GALNT13: variants seen among roughly 807,000 people sequenced by gnomAD.
GALNT13 encodes the protein UDP-GalNAc:polypeptide N-acetylgalactosaminyltransferase 13.
A neutral mutation model predicts 64.2 loss-of-function variants in GALNT13; 28 were observed. That is an observed-to-expected ratio of 0.44 (90% CI 0.32 to 0.60). The LOEUF is 0.60. GALNT13 is among the 20% of genes least tolerant of loss of function. The pLI, the probability that GALNT13 is intolerant of heterozygous loss-of-function variation, is 0.05. For synonymous variants in GALNT13, 214 were observed against 224.6 expected, an observed-to-expected ratio of 0.95 and a Z score of 0.42; for missense variants, 577 against 669.8, an observed-to-expected ratio of 0.86 and a Z score of 1.53.
At chr2:153,572,747 G>C in the GALNT13 span, among the ~76,000 whole-genome samples, 1 of 151,994 alleles carries the variant, frequency 6.6e-6, no homozygotes, top group East Asian at 1.9e-4. Context: ...TATTTGTATA[G>C]TTTCCAAAAT....
Position 154,242,187 on chromosome 2 carries a change from A to G in GALNT13, c.469A>G (p.Ser157Gly). 1 of 1,606,938 alleles carries G rather than the reference A, an allele frequency of 6.2e-7. No homozygotes were observed. Among genetic ancestry groups the G allele is most frequent in the South Asian group, 1.1e-5 (1 of 88,632 alleles). The change falls in exon 5 of 13, where the codon AGT (serine) becomes GGT (glycine). Residue 157 changes from serine (S) to glycine (G), a missense_variant. Coordinates refer to ENST00000392825, the MANE Select transcript of GALNT13 (RefSeq NM_052917.4). ...AGAGGTCATCTTGGTAGATGATGCC[A>G]GTGAAAGAGGTACAAACTGGTTTTT... ...LSEVILVDDA[S>G]ERDFLKLTLE...
intron 3 of GALNT13, among the ~76,000 whole-genome samples, chr2:154,115,160 G>T (rs1448893050): frequency 6.6e-6 from 1 of 152,176 alleles, no homozygotes; most frequent in Non-Finnish European, 1.5e-5. Flanking sequence ...ATCTCCCTAA[G>T]TCTTGGGATC....
chr2:153,292,832 T>C, the GALNT13 span, among the ~76,000 whole-genome samples: 1 of 152,140 alleles, frequency 6.6e-6, no homozygotes, highest in Non-Finnish European at 1.5e-5. Flanking sequence ...AGACAACCGG[T>C]ATAATTCCCA....
At chr2:153,280,664 G>A in the GALNT13 span, among the ~76,000 whole-genome samples, 1 of 151,948 alleles carries the variant, frequency 6.6e-6, no homozygotes, top group African/African-American at 2.4e-5. Flanking sequence ...TCATATAATT[G>A]TTTTACTTTC....
At chr2:153,911,371 C>T (rs1688927537) in intron 2 of GALNT13, among the ~76,000 whole-genome samples, 1 of 152,104 alleles carries the variant, frequency 6.6e-6, no homozygotes, top group Non-Finnish European at 1.5e-5. Context: ...CACCTTGCCA[C>T]TCTGTGTCTT....
chr2:153,485,114 T>C, the GALNT13 span, among the ~76,000 whole-genome samples: 1 of 152,236 alleles, frequency 6.6e-6, no homozygotes, highest in Non-Finnish European at 1.5e-5. Context: ...AACTTTCTTA[T>C]AGGACTGTAT....
intron 4 of GALNT13, among the ~76,000 whole-genome samples, chr2:154,148,792 A>T (rs185104434): frequency 0.024 from 3,591 of 151,856 alleles, 63 homozygotes; most frequent in Middle Eastern, 0.034. Flanking sequence ...TTTTCTTGTA[A>T]ATTTGTTTGA....
At chr2:154,189,463 C>T (rs1352607546) in intron 4 of GALNT13, among the ~76,000 whole-genome samples, 5 of 119,506 alleles carry the variant, frequency 4.2e-5, no homozygotes, top group African/African-American at 1.0e-4. Flanking sequence ...TCTCTTCTCA[C>T]GTGCACACCA....
the GALNT13 span, among the ~76,000 whole-genome samples, chr2:153,270,313 G>C: frequency 6.6e-6 from 1 of 152,188 alleles, no homozygotes; most frequent in East Asian, 1.9e-4. Flanking sequence ...TGTGTGAGCA[G>C]TCTAATGCTA....
chr2:153,972,991 C>A (rs1484696563), intron 3 of GALNT13, among the ~76,000 whole-genome samples: 1 of 152,016 alleles, frequency 6.6e-6, no homozygotes, highest in Non-Finnish European at 1.5e-5. Flanking sequence ...TATTTTCAAA[C>A]TTCTGAAAAT....
At chr2:153,227,513 A>G in the GALNT13 span, among the ~76,000 whole-genome samples, 1 of 152,226 alleles carries the variant, frequency 6.6e-6, no homozygotes, top group Non-Finnish European at 1.5e-5. Context: ...AGGGGTTGGC[A>G]AAGAATTACG....
the GALNT13 span, among the ~76,000 whole-genome samples, chr2:153,223,276 G>C: frequency 6.6e-6 from 1 of 152,170 alleles, no homozygotes; most frequent in Non-Finnish European, 1.5e-5. Flanking sequence ...GGATCAAGCA[G>C]GCAGAAAACA....
the GALNT13 span, among the ~76,000 whole-genome samples, chr2:153,540,614 G>C: frequency 6.6e-6 from 1 of 152,162 alleles, no homozygotes; most frequent in Non-Finnish European, 1.5e-5. Context: ...AGCAGCCCCC[G>C]GGCCTGTATC....
At chr2:153,082,430 A>G in the GALNT13 span, among the ~76,000 whole-genome samples, 1 of 151,348 alleles carries the variant, frequency 6.6e-6, no homozygotes, top group African/African-American at 2.4e-5. Flanking sequence ...GAGTTACATC[A>G]CTTCGAATAA....
At chr2:154,097,472 T>C (rs1702132900) in intron 3 of GALNT13, among the ~76,000 whole-genome samples, 1 of 152,122 alleles carries the variant, frequency 6.6e-6, no homozygotes, top group Non-Finnish European at 1.5e-5. Context: ...TTTCTGTACT[T>C]ATCTTGATAA....
At chr2:153,380,091 C>T in the GALNT13 span, among the ~76,000 whole-genome samples, 1 of 151,976 alleles carries the variant, frequency 6.6e-6, no homozygotes, top group Admixed American at 6.6e-5. Flanking sequence ...AGTGATGCCA[C>T]AAAGGAGCAT....
the GALNT13 span, among the ~76,000 whole-genome samples, chr2:153,088,206 C>T: frequency 2.0e-5 from 3 of 152,042 alleles, no homozygotes; most frequent in Non-Finnish European, 4.4e-5. Flanking sequence ...TATTCATCCT[C>T]ATTTCAATGT....
At chr2:153,667,354 T>A in the GALNT13 span, among the ~76,000 whole-genome samples, 1 of 151,990 alleles carries the variant, frequency 6.6e-6, no homozygotes, top group Non-Finnish European at 1.5e-5. Context: ...AAGGTCAACA[T>A]GAAAGTAAAG....
intron 1 of GALNT13, among the ~76,000 whole-genome samples, chr2:153,891,108 C>T (rs577450398): frequency 1.3e-5 from 2 of 152,156 alleles, no homozygotes; most frequent in African/African-American, 4.8e-5. Context: ...GGCAGTCTAA[C>T]AGAATTCTTT....
Sources: gnomAD v4.1 joint callset for allele counts (sites outside exome capture counted in the v4.1 genomes callset) on GRCh38, gnomAD v4.1.1 for gene constraint, MANE v1.5 for transcripts, NCBI Gene and HGNC (gene_info 2026-07-23, HGNC 2026-07-21) for gene names.